HECW1: variants seen among roughly 807,000 people sequenced by gnomAD.
HECW1 encodes the protein E3 ubiquitin-protein ligase HECW1.
A neutral mutation model predicts 182.3 loss-of-function variants in HECW1; 61 were observed. The observed-to-expected ratio is 0.33, with a 90% confidence interval of 0.27 to 0.41. HECW1 has a LOEUF of 0.41. HECW1 is among the 10% of genes least tolerant of loss of function. The pLI is 1.00. For missense variants in HECW1, 1,739 were observed against 2,108.9 expected (o/e 0.82, Z 3.44); for synonymous variants, 859 against 832.6 (o/e 1.03, Z -0.55).
intron 6 of HECW1, among the ~76,000 whole-genome samples, chr7:43,369,461 T>A (rs1478268541): frequency 6.6e-6 from 1 of 151,854 alleles, no homozygotes; most frequent in Non-Finnish European, 1.5e-5. Context: ...AAACTCCGTC[T>A]CAAAAAAAAT....
intron 2 of HECW1, among the ~76,000 whole-genome samples, chr7:43,200,627 G>A (rs1794939495): frequency 6.6e-6 from 1 of 152,066 alleles, no homozygotes; most frequent in African/African-American, 2.4e-5. Context: ...ATGTTCTCTT[G>A]TCTGACGAAA....
At chr7:43,207,213 A>AT (rs1202324792) in intron 2 of HECW1, among the ~76,000 whole-genome samples, 1 of 151,960 alleles carries the variant, frequency 6.6e-6, no homozygotes, top group Non-Finnish European at 1.5e-5. Flanking sequence ...TGCCTGGCTA[A>AT]TTTTTGTATT....
At chr7:43,352,379 G>C (rs1814580847) in intron 5 of HECW1, among the ~76,000 whole-genome samples, 1 of 152,136 alleles carries the variant, frequency 6.6e-6, no homozygotes, top group Admixed American at 6.5e-5. Flanking sequence ...TGGGTGTCCT[G>C]TATTTGATTT....
At chr7:43,129,991 C>G (rs1436077340) in intron 2 of HECW1, among the ~76,000 whole-genome samples, 1 of 152,212 alleles carries the variant, frequency 6.6e-6, no homozygotes, top group Non-Finnish European at 1.5e-5. Context: ...CAAATATTTT[C>G]AATCTGCAGT....
At chr7:43,373,387 A>G (rs564512147) in intron 6 of HECW1, among the ~76,000 whole-genome samples, 8 of 151,700 alleles carry the variant, frequency 5.3e-5, no homozygotes, top group Admixed American at 1.3e-4. Flanking sequence ...CAAACTCCTG[A>G]TCTCAAGTGA....
At chr7:43,305,765 A>AT (rs562122270) in intron 3 of HECW1, among the ~76,000 whole-genome samples, 9,591 of 144,156 alleles carry the variant, frequency 0.067, 358 homozygotes, top group Middle Eastern at 0.12. Flanking sequence ...CGCCCAGCTA[A>AT]TTTTTTTTTT....
intron 2 of HECW1, among the ~76,000 whole-genome samples, chr7:43,155,225 A>T (rs1789748436): frequency 1.3e-5 from 2 of 152,226 alleles, no homozygotes; most frequent in East Asian, 3.8e-4. Context: ...CACACATGTA[A>T]ATGTCCTTAT....
At chr7:43,335,891 T>C in intron 5 of HECW1, among the ~76,000 whole-genome samples, 1 of 125,056 alleles carries the variant, frequency 8.0e-6, no homozygotes, top group Non-Finnish European at 1.7e-5. Flanking sequence ...TCATCTTTCT[T>C]TCTCTCTTTC....
intron 2 of HECW1, among the ~76,000 whole-genome samples, chr7:43,143,650 T>C (rs1249798021): frequency 6.6e-6 from 1 of 152,022 alleles, no homozygotes; most frequent in Non-Finnish European, 1.5e-5. Context: ...ATTGTAGGAG[T>C]CTAGCCCTGG....
chr7:43,404,600 C>T (rs1030776779), intron 7 of HECW1, among the ~76,000 whole-genome samples: 1 of 152,082 alleles, frequency 6.6e-6, no homozygotes, highest in Non-Finnish European at 1.5e-5. Flanking sequence ...CAAAGTGTAT[C>T]GAAAAAGACT....
At chr7:43,365,457 C>T (rs1017033459) in intron 6 of HECW1, among the ~76,000 whole-genome samples, 3 of 254 alleles carry the variant, frequency 0.012, no homozygotes, top group African/African-American at 0.056. Context: ...ATGACATTCC[C>T]ACCCGTGTGG....
chr7:43,478,120 TATTCGA>T (rs1166923462), intron 16 of HECW1, among the ~76,000 whole-genome samples: 1 of 152,186 alleles, frequency 6.6e-6, no homozygotes, highest in Non-Finnish European at 1.5e-5. Context: ...CAAGGATTTA[TATTCGA>T]GAGTGTTCGG....
chr7:43,133,087 C>T (rs1051919386), intron 2 of HECW1, among the ~76,000 whole-genome samples: 2 of 151,896 alleles, frequency 1.3e-5, no homozygotes, highest in Non-Finnish European at 2.9e-5. Context: ...TTCCTTTGAC[C>T]TAATGAAATG....
intron 26 of HECW1, among the ~76,000 whole-genome samples, chr7:43,545,911 C>A (rs1225323378): frequency 6.6e-6 from 1 of 151,930 alleles, no homozygotes; most frequent in African/African-American, 2.4e-5. Context: ...TTTGCTTTTT[C>A]CTTTCTCTAA....
chr7:43,402,729 G>T (rs1414550060), intron 7 of HECW1, among the ~76,000 whole-genome samples: 1 of 152,288 alleles, frequency 6.6e-6, no homozygotes, highest in African/African-American at 2.4e-5. Context: ...TAATGGAATT[G>T]CCTTCTTAGA....
intron 8 of HECW1, among the ~76,000 whole-genome samples, chr7:43,426,418 T>C (rs2076364802): frequency 6.6e-6 from 1 of 152,148 alleles, no homozygotes; most frequent in South Asian, 2.1e-4. Context: ...ACATTAGAAA[T>C]GACCAAGGAG....
chr7:43,509,110 C>T lies in HECW1; in HGVS notation c.4008C>T (p.Asn1336=), dbSNP rs141017471. Residue 1336 remains asparagine (N), a synonymous_variant, in exon 24 of 30, where the codon AAC becomes AAT. Coordinates refer to ENST00000395891, the MANE Select transcript of HECW1 (RefSeq NM_015052.5). ...QISPMSAFVE[N]HLEWFRFSGR... ...GCCCCATGTCCGCATTTGTAGAAAA[C>T]CATCTTGAGTGGTAAGCTCTATAAT... is the stretch of plus-strand genomic sequence containing the variant. The T allele has an allele frequency of 1.2e-5, 19 of 1,613,962 alleles. No homozygotes were observed. The African/African-American group carries it at 2.4e-4, about 20-fold the overall frequency.
chr7:43,526,667 G>A (rs17172223), intron 24 of HECW1, among the ~76,000 whole-genome samples: 46,186 of 152,084 alleles, frequency 0.3, 7,129 homozygotes, highest in Middle Eastern at 0.42. Context: ...AATAATTAAG[G>A]CTTCTAAACC....
chr7:43,207,120 C>T (rs570242890), intron 2 of HECW1, among the ~76,000 whole-genome samples: 53 of 152,284 alleles, frequency 3.5e-4, no homozygotes, highest in Non-Finnish European at 6.0e-4. Flanking sequence ...GATCTCAGCT[C>T]ACTGCAACCT....
Sources: gnomAD v4.1 joint callset for allele counts (sites outside exome capture counted in the v4.1 genomes callset) on GRCh38, gnomAD v4.1.1 for gene constraint, MANE v1.5 for transcripts, NCBI Gene and HGNC (gene_info 2026-07-23, HGNC 2026-07-21) for gene names.